Variants in SWT1 observed in about 807,000 individuals in gnomAD.
SWT1 encodes the protein SWT1 RNA endoribonuclease homolog, also known as transcriptional protein SWT1.
Under a neutral mutation model 107.3 loss-of-function variants are expected in SWT1, and 33 were observed. The ratio of observed to expected loss-of-function variants is 0.31; its 90% confidence interval spans 0.23 to 0.41. The LOEUF is 0.41. SWT1 is among the 10% of genes least tolerant of loss of function. SWT1 has a pLI of 1.00. For synonymous variants in SWT1, 345 were observed against 348.3 expected (o/e 0.99, Z 0.11); for missense variants, 898 against 1,028.9 (o/e 0.87, Z 1.74).
intron 18 of SWT1, among the ~76,000 whole-genome samples, chr1:185,285,970 T>C (rs1664922627): frequency 6.6e-6 from 1 of 152,224 alleles, no homozygotes; most frequent in South Asian, 2.1e-4. Flanking sequence ...TAGTGAGTTT[T>C]GAAATTGACA....
At chr1:185,180,509 T>G in intron 6 of SWT1, 59 bp downstream of exon 6, 3 of 1,253,030 alleles carry the variant, frequency 2.4e-6, no homozygotes, top group Non-Finnish European at 2.3e-6. Flanking sequence ...GTTCCTACTT[T>G]TAATAAAAAA....
At chr1:185,157,708 A>G (rs1034373207) in intron 1 of SWT1, 2 of 152,544 alleles carry the variant, frequency 1.3e-5, no homozygotes, top group Non-Finnish European at 2.9e-5. Flanking sequence ...TTTAGTCTTC[A>G]TGTTGCCAGT....
intron 4 of SWT1, chr1:185,171,688 A>C (rs1471215514): frequency 2.0e-6 from 1 of 504,386 alleles, no homozygotes; most frequent in Non-Finnish European, 3.9e-6. Context: ...CCCCTTTACC[A>C]CAAGGTTTTT....
chr1:185,171,771 G>A (rs906169733), intron 4 of SWT1: 5 of 402,268 alleles, frequency 1.2e-5, no homozygotes, highest in South Asian at 3.8e-5. Flanking sequence ...GAGTGCAGTG[G>A]CACAGTCTCG....
intron 4 of SWT1, chr1:185,171,699 C>G: frequency 2.1e-6 from 1 of 485,486 alleles, no homozygotes; most frequent in South Asian, 1.5e-5. Flanking sequence ...CAAGGTTTTT[C>G]ATGGATGCCA....
At position 185,222,967 on chromosome 1, in the gene SWT1, G is replaced by C. The variant is rs565494583; in HGVS notation, c.2309+931G>C. Reference sequence around the variant, plus strand: ...TCTCTAGTGACCACTGTTCTACTCTGCCTCTGTGAGATAAACTATTGTATA... The same window carrying C: ...TCTCTAGTGACCACTGTTCTACTCTCCCTCTGTGAGATAAACTATTGTATA... On this transcript the variant is annotated intron_variant, in intron 15 of 18. Coordinates refer to ENST00000367500, the MANE Select transcript of SWT1 (RefSeq NM_017673.7). Among the ~76,000 whole-genome samples, 12 of 152,184 alleles carry C rather than the reference G, an allele frequency of 7.9e-5. 1 individual carries two copies. The East Asian group carries it at 2.3e-3, about 29-fold the overall frequency.
At chr1:185,287,078 C>T (rs1571719785) in intron 18 of SWT1, among the ~76,000 whole-genome samples, 2 of 152,134 alleles carry the variant, frequency 1.3e-5, no homozygotes, top group South Asian at 4.1e-4. Flanking sequence ...TAGAAAAATT[C>T]AGAGGGTTGT....
chr1:185,249,942 TTC>T (rs1194302134), intron 16 of SWT1, among the ~76,000 whole-genome samples: 3 of 152,186 alleles, frequency 2.0e-5, no homozygotes, highest in African/African-American at 7.2e-5. Context: ...TTTGTATTAC[TTC>T]TCTCTTTTAT....
chr1:185,278,740 G>A (rs1664418342), intron 18 of SWT1, among the ~76,000 whole-genome samples: 1 of 152,148 alleles, frequency 6.6e-6, no homozygotes, highest in South Asian at 2.1e-4. Flanking sequence ...AGGTTTATGG[G>A]AAAAATGGGA....
At chr1:185,189,281 G>A (rs1228899621) in intron 9 of SWT1, among the ~76,000 whole-genome samples, 1 of 152,056 alleles carries the variant, frequency 6.6e-6, no homozygotes. Flanking sequence ...CACCCACCTG[G>A]CCTGCATTAA....
chr1:185,179,377 C>T (rs75618433), intron 5 of SWT1, among the ~76,000 whole-genome samples: 5,414 of 152,262 alleles, frequency 0.036, 307 homozygotes, highest in African/African-American at 0.12. Flanking sequence ...ATAATTCATT[C>T]GTTCTTTTGC....
intron 4 of SWT1, chr1:185,171,329 G>A (rs1268265715): frequency 4.7e-6 from 1 of 210,784 alleles, no homozygotes; most frequent in African/African-American, 2.4e-5. Context: ...CCACATAAGT[G>A]AATTTTAATC....
intron 10 of SWT1, among the ~76,000 whole-genome samples, chr1:185,190,895 C>G (rs1228672740): frequency 6.6e-6 from 1 of 152,088 alleles, no homozygotes; most frequent in East Asian, 1.9e-4. Context: ...GGGGAAAAGG[C>G]AACTTAATAT....
chr1:185,203,588 T>C (rs1453701632), intron 11 of SWT1, among the ~76,000 whole-genome samples: 4 of 148,886 alleles, frequency 2.7e-5, no homozygotes, highest in Non-Finnish European at 5.9e-5. Context: ...GCCATCGTAC[T>C]CCAGCCTGGG....
chr1:185,255,155 T>C (rs1662383739), intron 16 of SWT1, among the ~76,000 whole-genome samples: 1 of 152,232 alleles, frequency 6.6e-6, no homozygotes, highest in Admixed American at 6.5e-5. Flanking sequence ...CAGTTTGTTA[T>C]AATTTCTGTT....
chr1:185,168,476 ATTTAC>A, intron 4 of SWT1, 78 bp downstream of exon 4: 2 of 898,870 alleles, frequency 2.2e-6, no homozygotes, highest in Admixed American at 4.1e-5. Context: ...AATTTTTTTT[ATTTAC>A]TTTGAAGAGG....
intron 11 of SWT1, among the ~76,000 whole-genome samples, chr1:185,203,569 C>T (rs928287147): frequency 1.3e-5 from 2 of 150,074 alleles, no homozygotes; most frequent in African/African-American, 2.5e-5. Context: ...TGCAGTGAGC[C>T]GAGATTGTGC....
At chr1:185,180,562 G>A in intron 6 of SWT1, 112 bp downstream of exon 6, 1 of 766,900 alleles carries the variant, frequency 1.3e-6, no homozygotes, top group Non-Finnish European at 2.2e-6. Context: ...TAACAATGAT[G>A]TCTCTATTTA....
At chr1:185,273,240 A>G (rs1664008049) in intron 17 of SWT1, among the ~76,000 whole-genome samples, 1 of 152,094 alleles carries the variant, frequency 6.6e-6, no homozygotes, top group Non-Finnish European at 1.5e-5. Context: ...CCCCATCTCT[A>G]CTAAAAGTAC....
Sources: gnomAD v4.1 joint callset for allele counts (sites outside exome capture counted in the v4.1 genomes callset) on GRCh38, gnomAD v4.1.1 for gene constraint, MANE v1.5 for transcripts, NCBI Gene and HGNC (gene_info 2026-07-23, HGNC 2026-07-21) for gene names.